FMN1: variants seen among roughly 807,000 people sequenced by gnomAD.
FMN1 encodes the protein formin-1.
Under a neutral mutation model 132.4 loss-of-function variants are expected in FMN1, and 110 were observed. The ratio of observed to expected loss-of-function variants is 0.83; its 90% CI spans 0.71 to 0.97. The LOEUF (loss-of-function observed/expected upper bound fraction) is 0.97. FMN1 is among the 50% of genes least tolerant of loss of function. The pLI is 0.00. For missense variants in FMN1, 1,792 were observed against 1,705.3 expected, an observed-to-expected ratio of 1.05 and a Z score of -0.90; for synonymous variants, 722 against 651.7, an observed-to-expected ratio of 1.11 and a Z score of -1.64.
intron 17 of FMN1, among the ~76,000 whole-genome samples, chr15:32,824,185 T>G (rs367679806): frequency 3.9e-5 from 6 of 152,244 alleles, no homozygotes; most frequent in African/African-American, 1.4e-4. Flanking sequence ...TTATTAATCA[T>G]GTTATTTAAT....
At chr15:32,861,457 A>G (rs1287926415) in intron 16 of FMN1, among the ~76,000 whole-genome samples, 1 of 152,192 alleles carries the variant, frequency 6.6e-6, no homozygotes. Context: ...ATTGAGACCC[A>G]CTAGGACTCA....
chr15:33,045,257 G>A (rs1413251171), intron 6 of FMN1, among the ~76,000 whole-genome samples: 2 of 152,198 alleles, frequency 1.3e-5, no homozygotes, highest in Admixed American at 1.3e-4. Flanking sequence ...TGTGGGCAGT[G>A]GCTGGACCCC....
intron 11 of FMN1, among the ~76,000 whole-genome samples, chr15:32,909,256 T>C (rs775032627): frequency 1.3e-5 from 2 of 152,210 alleles, no homozygotes; most frequent in Non-Finnish European, 2.9e-5. Context: ...TTTTACAGAT[T>C]ATTCCACTGA....
intron 5 of FMN1, among the ~76,000 whole-genome samples, chr15:33,069,985 GTCTTTCTCTT>G (rs1566888306): frequency 8.8e-6 from 1 of 113,736 alleles, no homozygotes; most frequent in African/African-American, 3.0e-5. Flanking sequence ...CATAAGATCA[GTCTTTCTCTT>G]TTTTTTTTTT....
At chr15:33,061,811 A>G (rs935183962) in intron 6 of FMN1, among the ~76,000 whole-genome samples, 1 of 152,168 alleles carries the variant, frequency 6.6e-6, no homozygotes, top group Non-Finnish European at 1.5e-5. Context: ...ATTAATTAGC[A>G]ATTTAGAAAA....
intron 9 of FMN1, among the ~76,000 whole-genome samples, chr15:32,939,072 C>A (rs2061343449): frequency 6.6e-6 from 1 of 152,180 alleles, no homozygotes; most frequent in Non-Finnish European, 1.5e-5. Context: ...GCACATTAGC[C>A]AATCCAAATG....
intron 15 of FMN1, among the ~76,000 whole-genome samples, chr15:32,888,874 T>C (rs2059958773): frequency 6.8e-6 from 1 of 146,980 alleles, no homozygotes; most frequent in South Asian, 2.2e-4. Context: ...TTTTTTTTTT[T>C]TGGAGATAGG....
Position 32,989,834 on chromosome 15 carries a change from G to A in FMN1, c.2223+18180C>T, listed in dbSNP as rs113349551. Among the ~76,000 whole-genome samples, 13 of 152,268 alleles carry A rather than the reference G, an allele frequency of 8.5e-5. 4 individuals carry two copies. Among genetic ancestry groups the A allele is most frequent in the African/African-American group, 3.1e-4 (13 of 41,556 alleles). On this transcript the variant is annotated intron_variant, in intron 7 of 20. Coordinates refer to ENST00000616417, the MANE Select transcript of FMN1 (RefSeq NM_001277313.2). ...GGTAATCAACTAGATGTGAAGCAGA[G>A]GGTGCAGGAGTTGTCAAGGATGCAT...
intron 17 of FMN1, among the ~76,000 whole-genome samples, chr15:32,832,561 T>C (rs932947650): frequency 3.3e-5 from 5 of 152,052 alleles, no homozygotes; most frequent in African/African-American, 1.2e-4. Flanking sequence ...GGGCAGATCA[T>C]GAAGTCAGGA....
At chr15:32,910,386 T>C in intron 11 of FMN1, 88 bp downstream of exon 11, 1 of 1,102,668 alleles carries the variant, frequency 9.1e-7, no homozygotes, top group Non-Finnish European at 1.3e-6. Flanking sequence ...GTCAAAACCC[T>C]TACTACCAAA....
At chr15:33,002,166 G>A (rs563104442) in intron 7 of FMN1, among the ~76,000 whole-genome samples, 1 of 152,278 alleles carries the variant, frequency 6.6e-6, no homozygotes. Flanking sequence ...TGTACATGGT[G>A]ACAGAATGAG....
At chr15:32,956,437 A>G (rs2061770652) in intron 9 of FMN1, among the ~76,000 whole-genome samples, 2 of 152,270 alleles carry the variant, frequency 1.3e-5, no homozygotes, top group Non-Finnish European at 1.5e-5. Context: ...AATAAAATTT[A>G]CAAGGTGGAA....
chr15:32,777,620 C>CTTT, intron 19 of FMN1, among the ~76,000 whole-genome samples: 1 of 42,200 alleles, frequency 2.4e-5, no homozygotes, highest in South Asian at 1.0e-3. Flanking sequence ...TAACATAACA[C>CTTT]ATTTATATAT....
intron 6 of FMN1, among the ~76,000 whole-genome samples, chr15:33,030,378 A>T (rs931819035): frequency 6.6e-6 from 1 of 152,238 alleles, no homozygotes; most frequent in Non-Finnish European, 1.5e-5. Context: ...TCATCTTGAA[A>T]GTCACATAAT....
intron 17 of FMN1, among the ~76,000 whole-genome samples, chr15:32,829,170 G>C (rs1224012203): frequency 1.3e-5 from 2 of 152,146 alleles, no homozygotes; most frequent in Non-Finnish European, 2.9e-5. Flanking sequence ...CTTTCTCAAG[G>C]TCTACTCTAG....
At chr15:33,003,729 T>G (rs1487729208) in intron 7 of FMN1, among the ~76,000 whole-genome samples, 2 of 152,216 alleles carry the variant, frequency 1.3e-5, no homozygotes, top group Non-Finnish European at 2.9e-5. Context: ...AGAGCCCGCA[T>G]TGCCAAGTCA....
At chr15:32,983,524 G>A (rs1224363770) in intron 7 of FMN1, among the ~76,000 whole-genome samples, 7 of 151,878 alleles carry the variant, frequency 4.6e-5, no homozygotes, top group East Asian at 3.9e-4. Context: ...ATATCTCATC[G>A]AAAAAACCTC....
At chr15:32,872,786 C>T (rs765241629) in intron 16 of FMN1, among the ~76,000 whole-genome samples, 5 of 152,222 alleles carry the variant, frequency 3.3e-5, no homozygotes, top group African/African-American at 9.6e-5. Context: ...AAGTCTTCCA[C>T]GGTTTCTCTG....
At chr15:32,846,230 C>A (rs529038456) in intron 17 of FMN1, among the ~76,000 whole-genome samples, 1 of 152,228 alleles carries the variant, frequency 6.6e-6, no homozygotes, top group African/African-American at 2.4e-5. Flanking sequence ...AAAAGTATTG[C>A]TTAATCTAAT....
Sources: gnomAD v4.1 joint callset for allele counts (sites outside exome capture counted in the v4.1 genomes callset) on GRCh38, gnomAD v4.1.1 for gene constraint, MANE v1.5 for transcripts, NCBI Gene and HGNC (gene_info 2026-07-23, HGNC 2026-07-21) for gene names.